The following FAM98B variants were observed in gnomAD, a reference collection of about 807,000 sequenced individuals.
FAM98B encodes tRNA-splicing ligase complex subunit FAM98B.
Under a neutral mutation model 43.9 loss-of-function variants are expected in FAM98B, and 32 were observed. The ratio of observed to expected loss-of-function variants is 0.73; its 90% CI spans 0.55 to 0.98. The LOEUF is 0.98. Ranked by LOEUF, FAM98B falls within the 50% of genes least tolerant of loss-of-function variation. The probability of loss-of-function intolerance (pLI) is 0.00; values close to 1 mark genes in which losing one functional copy is unlikely to be tolerated. For missense variants in FAM98B, 514 were observed against 522.9 expected, an observed-to-expected ratio of 0.98 and a Z score of 0.17; for synonymous variants, 190 against 174.0, an observed-to-expected ratio of 1.09 and a Z score of -0.72.
intron 6 of FAM98B, among the ~76,000 whole-genome samples, chr15:38,480,941 C>G (rs72727358): frequency 2.6e-5 from 4 of 151,998 alleles, no homozygotes; most frequent in African/African-American, 9.7e-5. Context: ...ACCATTTATA[C>G]AAGTTTTCCT....
chr15:38,473,637 A>G, intron 5 of FAM98B, 52 bp downstream of exon 5: 1 of 1,387,288 alleles, frequency 7.2e-7, no homozygotes, highest in Non-Finnish European at 1.0e-6. Flanking sequence ...AGTGAATATG[A>G]CTTAATTTTA....
intron 1 of FAM98B, chr15:38,459,120 G>T: frequency 2.9e-6 from 1 of 339,586 alleles, no homozygotes; most frequent in South Asian, 2.6e-5. Flanking sequence ...CTTTCCACGT[G>T]AGCTCTTTTG....
rs1458893895 is a variant in FAM98B at position 38,485,443 on chromosome 15, T to C, written c.*784T>C. On this transcript the variant is annotated 3_prime_UTR_variant, in exon 8 of 8. Transcript: ENST00000397609. ...ATCATTTATGCTCTCACTTTAGATA[T>C]CCAAATATTAAAAGGCAGGCTGACC... 1 of 152,236 alleles carries C rather than the reference T, an allele frequency of 6.6e-6. No homozygotes were observed. Among genetic ancestry groups the C allele is most frequent in the East Asian group, 1.9e-4 (1 of 5,198 alleles). 9.4% of individuals were successfully genotyped at this position (152,236 alleles called of 1,614,324 possible). A position where few individuals can be genotyped will look rare whatever the true frequency, so the allele number is the denominator to read the frequency against.
In FAM98B at chr15:38,475,732, G is replaced by T. The variant is rs151152045; in HGVS notation, c.729+1434G>T. On this transcript the variant is annotated intron_variant, in intron 6 of 7. Coordinates refer to ENST00000397609, the MANE Select transcript of FAM98B (RefSeq NM_173611.4). ...CAAGATGTTTAACTTAATCATACCT[G>T]CATCTGTAAGGTAGCATTCACAGGT... 2.0e-5 allele frequency among the ~76,000 whole-genome samples: 3 copies of T among 152,264 alleles called. No homozygotes were observed. In the East Asian group the frequency reaches 5.8e-4, roughly 29 times the overall value.
At chr15:38,465,463 C>A in intron 3 of FAM98B, 60 bp downstream of exon 3, 2 of 1,440,328 alleles carry the variant, frequency 1.4e-6, no homozygotes, top group South Asian at 1.5e-5. Context: ...ATTTTCAAGT[C>A]AAGATTTATT....
chr15:38,455,023 C>G (rs1366383140), intron 1 of FAM98B, among the ~76,000 whole-genome samples: 2 of 152,130 alleles, frequency 1.3e-5, no homozygotes, highest in African/African-American at 4.8e-5. Context: ...TGTCCCCATC[C>G]CAAATTATCA....
Position 38,470,444 on chromosome 15 carries a change from A to G in FAM98B, c.531+39A>G, listed in dbSNP as rs552533476. The stretch of plus-strand genomic sequence containing the variant: ...TTTATTTTCCCCAAAATTCAACTGA[A>G]TGGTAACATGTAAGTGCTATATTAA... On this transcript the variant is annotated intron_variant, in intron 4 of 7. Coordinates refer to ENST00000397609, the MANE Select transcript of FAM98B (RefSeq NM_173611.4). 1.3e-5 allele frequency: 20 copies of G among 1,515,792 alleles called. No homozygotes were observed. In the Admixed American group the frequency reaches 2.8e-4, roughly 21 times the overall value. The allele number at this position is 1,515,792 out of a possible 1,614,324, so 93.9% of individuals were successfully genotyped here. A position where few individuals can be genotyped will look rare whatever the true frequency, so the allele number is the denominator to read the frequency against.
At chr15:38,469,707 A>G (rs1223573455) in intron 3 of FAM98B, among the ~76,000 whole-genome samples, 1 of 152,242 alleles carries the variant, frequency 6.6e-6, no homozygotes, top group African/African-American at 2.4e-5. Context: ...AGAGAATAAA[A>G]TAAACCATTT....
intron 1 of FAM98B, among the ~76,000 whole-genome samples, chr15:38,463,188 T>C (rs1487878409): frequency 6.6e-6 from 1 of 152,170 alleles, no homozygotes; most frequent in Non-Finnish European, 1.5e-5. Context: ...CAGAAATGTT[T>C]AGAAGTGTAA....
chr15:38,465,156 T>G, intron 2 of FAM98B, 113 bp from the exon 3 acceptor site: 4 of 1,062,928 alleles, frequency 3.8e-6, no homozygotes, highest in Non-Finnish European at 5.3e-6. Context: ...ATTTAAGGAT[T>G]TAATGTGAAA....
chr15:38,475,900 G>A (rs1164970802), intron 6 of FAM98B, among the ~76,000 whole-genome samples: 1 of 152,004 alleles, frequency 6.6e-6, no homozygotes, highest in Non-Finnish European at 1.5e-5. Flanking sequence ...AAAAAATTAG[G>A]TCTTCTAATG....
Position 38,459,569 on chromosome 15 carries a change from T to G in FAM98B, c.72-4463T>G, listed in dbSNP as rs12101802. 3.4e-3 allele frequency: 823 copies of G among 242,600 alleles called. 10 individuals are homozygous for G. Among genetic ancestry groups the G allele is most frequent in the African/African-American group, 0.018 (794 of 42,980 alleles). The allele number at this position is 242,600 out of a possible 1,614,324, so 15.0% of individuals were successfully genotyped here. A position where few individuals can be genotyped will look rare whatever the true frequency, so the allele number is the denominator to read the frequency against. On this transcript the variant is annotated intron_variant, in intron 1 of 7. Transcript: ENST00000397609. ...ATTCCACAGGTGCGGGCTGGTTGGG[T>G]GGAAGAACCAGTGAGCCCATGGTCT...
At chr15:38,458,885 T>C in intron 1 of FAM98B, 1 of 446,112 alleles carries the variant, frequency 2.2e-6, no homozygotes, top group Non-Finnish European at 4.5e-6. Flanking sequence ...ATTCTCTGGG[T>C]GGAAGATGTA....
intron 7 of FAM98B, 53 bp downstream of exon 7, chr15:38,481,512 T>A: frequency 6.2e-7 from 1 of 1,614,120 alleles, no homozygotes. Flanking sequence ...TCTTACTTAA[T>A]GTTTTTACAG....
At chr15:38,477,249 C>A (rs557528676) in intron 6 of FAM98B, among the ~76,000 whole-genome samples, 1 of 111,088 alleles carries the variant, frequency 9.0e-6, no homozygotes, top group Admixed American at 8.6e-5. Flanking sequence ...ATTCTTAATG[C>A]CAACGTGTAG....
chr15:38,477,874 C>T (rs1343119468), intron 6 of FAM98B, among the ~76,000 whole-genome samples: 1 of 152,120 alleles, frequency 6.6e-6, no homozygotes, highest in East Asian at 1.9e-4. Flanking sequence ...ACCAACGAAG[C>T]AGATGACATG....
Position 38,461,877 on chromosome 15 carries a change from A to C in FAM98B, c.72-2155A>C, listed in dbSNP as rs80155919. Among the ~76,000 whole-genome samples the C allele has an allele frequency of 8.5e-5, 13 of 152,232 alleles. No individual in the cohort carries two copies. The East Asian group carries it at 2.5e-3, about 29-fold the overall frequency. ...TGATGGTACAACCCCTCTACAGGAGAATTTAATAGTATCTGGCAAAGTTAT... is the reference window on the plus strand; with the variant it reads ...TGATGGTACAACCCCTCTACAGGAGCATTTAATAGTATCTGGCAAAGTTAT... On this transcript the variant is annotated intron_variant, in intron 1 of 7. Transcript: ENST00000397609.
intron 5 of FAM98B, 65 bp from the exon 6 acceptor site, chr15:38,474,117 A>G: frequency 3.3e-6 from 4 of 1,229,120 alleles, no homozygotes; most frequent in Non-Finnish European, 4.8e-6. Context: ...CACAATTTTC[A>G]GATTTCTTTT....
chr15:38,466,336 G>A (rs1482630265), intron 3 of FAM98B, among the ~76,000 whole-genome samples: 3 of 152,030 alleles, frequency 2.0e-5, no homozygotes, highest in African/African-American at 7.2e-5. Flanking sequence ...CTCCCATTTG[G>A]TGTGAGTCAC....
Sources: allele counts gnomAD v4.1 joint callset (sites outside exome capture counted in the v4.1 genomes callset), GRCh38; gene constraint gnomAD v4.1.1; transcripts MANE v1.5; gene names NCBI Gene and HGNC (gene_info 2026-07-23, HGNC 2026-07-21).